Variants in COL4A1 observed in about 807,000 individuals in gnomAD.
COL4A1 encodes collagen alpha-1(IV) chain.
In COL4A1, 40 loss-of-function variants were observed where a neutral mutation model predicts 216.6. The observed-to-expected ratio is 0.18, with a 90% CI of 0.14 to 0.24. COL4A1 has a LOEUF of 0.24. Among genes scored for constraint, COL4A1 ranks in the 10% least tolerant of loss-of-function variants. The probability of loss-of-function intolerance (pLI) is 1.00; values close to 1 mark genes in which losing one functional copy is unlikely to be tolerated. For missense variants in COL4A1, 1,628 were observed against 2,196.8 expected, an observed-to-expected ratio of 0.74 and a Z score of 5.18; for synonymous variants, 839 against 810.7, an observed-to-expected ratio of 1.03 and a Z score of -0.59.
Position 110,206,730 on chromosome 13 carries a change from A to G in COL4A1, c.808-15T>C, listed in dbSNP as rs1227519463. 4 of 1,613,738 alleles carry G rather than the reference A, an allele frequency of 2.5e-6. No homozygotes were observed. The African/African-American group carries it at 5.3e-5, about 22-fold the overall frequency. On this transcript the variant is annotated splice_polypyrimidine_tract_variant and intron_variant, in intron 14 of 51. Coordinates refer to ENST00000375820, the MANE Select transcript of COL4A1 (RefSeq NM_001845.6). The stretch of plus-strand genomic sequence containing the variant: ...CCTGGCATCCCCTTAAAGGAATAAA[A>G]AGACAAAGAGATTTATTCGTCTATT...
rs59694732 is a variant in COL4A1 at position 110,169,527 on chromosome 13, T to C, written c.3876+102A>G. 40,596 of 765,960 alleles carry C rather than the reference T, an allele frequency of 0.053. 664 individuals are homozygous for C. Among genetic ancestry groups the C allele is most frequent in the African/African-American group, 0.14 (6,327 of 44,672 alleles). 47.4% of individuals were successfully genotyped at this position (765,960 alleles called of 1,614,324 possible). Reference sequence around the variant, plus strand: ...ACACACACACACACACACACACACATATATATACATACACAAAATACATAC... The same window carrying C: ...ACACACACACACACACACACACACACATATATACATACACAAAATACATAC... On this transcript the variant is annotated intron_variant, in intron 43 of 51. Transcript: ENST00000375820.
intron 2 of COL4A1, among the ~76,000 whole-genome samples, chr13:110,221,901 T>A (rs1880497739): frequency 1.3e-5 from 2 of 152,228 alleles, no homozygotes; most frequent in Admixed American, 1.3e-4. Flanking sequence ...AGATTCCACG[T>A]GTGCCTGCGC....
chr13:110,211,496 G>C lies in COL4A1; in HGVS notation c.468+151C>G, dbSNP rs1879792700. On this transcript the variant is annotated intron_variant, in intron 8 of 51. Transcript: ENST00000375820. The surrounding 1 kb of genome is among the most constrained non-coding windows in gnomAD (Gnocchi z 4.3). ...TGAGATCTGAGTTTGTGGGTTACTT[G>C]TACAGTCTTTTCATGTAACAGAGTT... The C allele has an allele frequency of 6.2e-6, 4 of 647,326 alleles. No homozygotes were observed. Among genetic ancestry groups the C allele is most frequent in the Non-Finnish European group, 1.0e-5 (4 of 397,282 alleles). The allele number at this position is 647,326 out of a possible 1,614,324, so 40.1% of individuals were successfully genotyped here.
Position 110,164,846 on chromosome 13 carries a change from G to T in COL4A1, c.4150+16C>A. On this transcript the variant is annotated intron_variant, in intron 46 of 51. Transcript: ENST00000375820. The stretch of plus-strand genomic sequence containing the variant: ...TGGGCTCCCCATACCGCCCTGCACA[G>T]GCCAAGCCTTCTCACCTTGCTGGCC... 1 of 1,613,072 alleles carries T rather than the reference G, an allele frequency of 6.2e-7. No homozygotes were observed. The highest frequency in any genetic ancestry group is 8.5e-7 in the Non-Finnish European group (1 of 1,179,620).
Position 110,206,830 on chromosome 13 carries a change from G to A in COL4A1, c.807+35C>T, listed in dbSNP as rs148053275. On this transcript the variant is annotated intron_variant, in intron 14 of 51. Coordinates refer to ENST00000375820, the MANE Select transcript of COL4A1 (RefSeq NM_001845.6). Reference sequence around the variant, plus strand: ...TGAAACTTAAATCTTTATGGTCTTTGACCTAAAAATGATAGGCAGAAACTG... The same window carrying A: ...TGAAACTTAAATCTTTATGGTCTTTAACCTAAAAATGATAGGCAGAAACTG... 1.8e-5 allele frequency: 29 copies of A among 1,613,478 alleles called. No homozygotes were observed. In the Admixed American group the frequency reaches 4.8e-4, roughly 27 times the overall value.
At chr13:110,162,505 A>G in intron 47 of COL4A1, 63 bp from the exon 48 acceptor site, 1 of 1,181,770 alleles carries the variant, frequency 8.5e-7, no homozygotes, top group Non-Finnish European at 1.3e-6. Flanking sequence ...AGGCTTTCAA[A>G]ATCATTTTCT....
rs2139165695 is a variant in COL4A1 at position 110,179,394 on chromosome 13, G to C, written c.2221C>G (p.Leu741Val). ...KGEPGVGLPG[L>V]KGLPGLPGIP... ...CCGGGAAGACCTGGCAAACCTTTGA[G>C]TCCCGGTAGACCAACTCCAGGCTCT... is the stretch of plus-strand genomic sequence containing the variant. The change falls in exon 30 of 52, where the codon CTC (leucine) becomes GTC (valine). Residue 741 changes from leucine to valine, a missense_variant. Leu to Val is a conservative substitution (Grantham distance 32, BLOSUM62 1). Around this residue, in one of 8 missense-constraint regions of COL4A1, gnomAD observed 701 missense variants for 892.5 expected, o/e 0.79. Coordinates refer to ENST00000375820, the MANE Select transcript of COL4A1 (RefSeq NM_001845.6). 1.9e-6 allele frequency: 3 copies of C among 1,614,150 alleles called. No individual in the cohort carries two copies. The highest frequency in any genetic ancestry group is 4.5e-5 in the East Asian group (2 of 44,876).
chr13:110,279,937 T>TC (rs1333479894), intron 1 of COL4A1, among the ~76,000 whole-genome samples: 2 of 152,202 alleles, frequency 1.3e-5, no homozygotes, highest in Non-Finnish European at 2.9e-5. Context: ...CCAGAGAGCG[T>TC]CCACGTTGCA....
chr13:110,178,913 T>C lies in COL4A1; in HGVS notation c.2458+10A>G, dbSNP rs376627658. ...TTGGGAACAGATAATTCTAGAAGCA[T>C]GTCACTCACCTGACAACCCCGGTGG... On this transcript the variant is annotated intron_variant, in intron 31 of 51. Transcript: ENST00000375820. 4 of 1,598,856 alleles carry C rather than the reference T, an allele frequency of 2.5e-6. No individual in the cohort carries two copies. The highest frequency in any genetic ancestry group is 1.7e-4 in the Middle Eastern group (1 of 5,954).
intron 1 of COL4A1, among the ~76,000 whole-genome samples, chr13:110,290,096 C>G (rs1184765968): frequency 6.6e-6 from 1 of 152,234 alleles, no homozygotes; most frequent in Non-Finnish European, 1.5e-5. Flanking sequence ...CTATTCTAAA[C>G]AGAAGAGTCC....
At chr13:110,271,182 A>T (rs1412939267) in intron 1 of COL4A1, among the ~76,000 whole-genome samples, 1 of 152,234 alleles carries the variant, frequency 6.6e-6, no homozygotes, top group Non-Finnish European at 1.5e-5. Context: ...CAGAATCCCA[A>T]CTAACAAATG....
Position 110,212,459 on chromosome 13 carries a change from G to A in COL4A1, c.345C>T (p.Gly115=), listed in dbSNP as rs1879853837. 1 of 1,614,136 alleles carries A rather than the reference G, an allele frequency of 6.2e-7. No individual in the cohort carries two copies. The highest frequency in any genetic ancestry group is 8.5e-7 in the Non-Finnish European group (1 of 1,180,044). The change falls in exon 6 of 52, where the codon GGC becomes GGT. Residue 115 remains glycine, a synonymous_variant. Coordinates refer to ENST00000375820, the MANE Select transcript of COL4A1 (RefSeq NM_001845.6). ...PGLPGIPGQD[G]PPGPPGIPGC... is the part of the protein sequence containing the mutation. ...CTGGAATACCTGGGGGGCCTGGCGGGCCGTCTTGGCCAGGAATTCCCTGCA... is the reference window on the plus strand; with the variant it reads ...CTGGAATACCTGGGGGGCCTGGCGGACCGTCTTGGCCAGGAATTCCCTGCA...
intron 1 of COL4A1, among the ~76,000 whole-genome samples, chr13:110,248,115 T>C (rs779394127): frequency 6.6e-6 from 1 of 152,192 alleles, no homozygotes; most frequent in Non-Finnish European, 1.5e-5. Context: ...CCCTATGCTG[T>C]GCAAAAATGT....
chr13:110,185,209 G>T (rs1477894441), intron 26 of COL4A1, among the ~76,000 whole-genome samples: 3 of 151,980 alleles, frequency 2.0e-5, no homozygotes, highest in African/African-American at 7.2e-5. Flanking sequence ...GCAGTGGCGA[G>T]ATCTTGGCTC....
intron 2 of COL4A1, among the ~76,000 whole-genome samples, chr13:110,224,802 G>C (rs150554980): frequency 3.9e-5 from 6 of 152,286 alleles, no homozygotes; most frequent in African/African-American, 1.4e-4. Flanking sequence ...TGTGGGTGTG[G>C]GGCAGCGTTG....
At chr13:110,206,232 C>G (rs575548620) in intron 15 of COL4A1, among the ~76,000 whole-genome samples, 1 of 152,236 alleles carries the variant, frequency 6.6e-6, no homozygotes, top group African/African-American at 2.4e-5. Flanking sequence ...GAAACCAGAA[C>G]CATCCCAGCT....
At chr13:110,230,962 A>C (rs900272997) in intron 2 of COL4A1, among the ~76,000 whole-genome samples, 1 of 152,166 alleles carries the variant, frequency 6.6e-6, no homozygotes, top group Non-Finnish European at 1.5e-5. Context: ...CCCTCCTCCC[A>C]ATCAGGAGGC....
intron 10 of COL4A1, 133 bp downstream of exon 10, chr13:110,209,847 G>C (rs1320163236): frequency 9.0e-7 from 1 of 1,113,872 alleles, no homozygotes; most frequent in Non-Finnish European, 1.4e-6. Flanking sequence ...TAAGAGGGAA[G>C]CTGATTCCGC....
chr13:110,279,281 T>A (rs1172295450), intron 1 of COL4A1, among the ~76,000 whole-genome samples: 4 of 152,146 alleles, frequency 2.6e-5, no homozygotes, highest in African/African-American at 4.8e-5. Context: ...TCGCTCCCCA[T>A]GGAAGGTGAG....
Sources: allele counts gnomAD v4.1 joint callset (sites outside exome capture counted in the v4.1 genomes callset), GRCh38; gene constraint gnomAD v4.1.1; regional missense constraint gnomAD v4.1.1; non-coding constraint Gnocchi (gnomAD v3.1); transcripts MANE v1.5; gene names NCBI Gene and HGNC (gene_info 2026-07-23, HGNC 2026-07-21).